Variants in ANO4 observed in about 807,000 individuals in gnomAD.
The protein encoded by ANO4 is anoctamin 4.
A neutral mutation model predicts 141.9 loss-of-function variants in ANO4; 69 were observed. The ratio of observed to expected loss-of-function variants is 0.49; its 90% CI spans 0.40 to 0.59. ANO4 has a LOEUF of 0.59. Among genes scored for constraint, ANO4 ranks in the 20% least tolerant of loss-of-function variants. ANO4 has a pLI of 0.00. For missense variants in ANO4, 894 were observed against 1,162.2 expected (o/e 0.77, Z 3.36); for synonymous variants, 350 against 394.3 (o/e 0.89, Z 1.33).
chr12:100,736,940 G>A (rs2031642866), intron 2 of ANO4, among the ~76,000 whole-genome samples: 1 of 152,110 alleles, frequency 6.6e-6, no homozygotes, highest in Non-Finnish European at 1.5e-5. Context: ...TGGACTCGCA[G>A]CCCCCAGAAC....
chr12:100,901,776 G>A lies in ANO4; in HGVS notation c.-10G>A. 6.2e-7 allele frequency: 1 copy of A among 1,613,812 alleles called. No individual in the cohort carries two copies. The highest frequency in any genetic ancestry group is 8.5e-7 in the Non-Finnish European group (1 of 1,179,742). Reference sequence around the variant, plus strand: ...ATTCCTCACTCCCACCAGGCAGAAGGTCAATAAAAATGGAGGCAAGCTCTT... The same window carrying A: ...ATTCCTCACTCCCACCAGGCAGAAGATCAATAAAAATGGAGGCAAGCTCTT... On this transcript the variant is annotated 5_prime_UTR_variant, in exon 2 of 28. Coordinates refer to ENST00000392977, the MANE Select transcript of ANO4 (RefSeq NM_001286615.2).
chr12:100,913,540 C>T (rs1335753563), intron 2 of ANO4, among the ~76,000 whole-genome samples: 2 of 151,960 alleles, frequency 1.3e-5, no homozygotes, highest in African/African-American at 4.8e-5. Context: ...TCTTATTGTT[C>T]CTAATTTAGA....
At chr12:100,885,039 A>G (rs2039763251) in intron 1 of ANO4, among the ~76,000 whole-genome samples, 1 of 152,094 alleles carries the variant, frequency 6.6e-6, no homozygotes. Context: ...CCCTAGACTC[A>G]TGGTCCCTCT....
At chr12:101,122,014 C>T (rs1289216187) in intron 26 of ANO4, among the ~76,000 whole-genome samples, 2 of 152,080 alleles carry the variant, frequency 1.3e-5, no homozygotes, top group Admixed American at 6.5e-5. Flanking sequence ...GCCTTGGCCT[C>T]CCAAAGTGCT....
chr12:101,116,599 C>T, intron 24 of ANO4, 80 bp from the exon 25 acceptor site: 1 of 1,600,770 alleles, frequency 6.2e-7, no homozygotes, highest in African/African-American at 1.3e-5. Context: ...GCAGTGACGT[C>T]TGGGAAGCAG....
rs557254861 is a variant in ANO4 at position 100,829,616 on chromosome 12, A to G, written c.-141+34589A>G. ...TTAAAGTTAATATTTTGCTTTATGA[A>G]TAAGATATTTTTGTTACTTCTGGGT... On this transcript the variant is annotated intron_variant, in intron 1 of 27. Coordinates refer to ENST00000392977, the MANE Select transcript of ANO4 (RefSeq NM_001286615.2). Among the ~76,000 whole-genome samples the G allele has an allele frequency of 3.3e-5, 5 of 152,204 alleles. No individual in the cohort carries two copies. The East Asian group carries it at 9.7e-4, about 29-fold the overall frequency.
At chr12:100,865,422 G>T (rs1241349097) in intron 1 of ANO4, among the ~76,000 whole-genome samples, 4 of 152,022 alleles carry the variant, frequency 2.6e-5, no homozygotes, top group South Asian at 2.1e-4. Flanking sequence ...TCTGACAAAG[G>T]GCTAATATCT....
chr12:101,000,645 CAT>C (rs1374845273), intron 8 of ANO4, among the ~76,000 whole-genome samples: 1 of 152,160 alleles, frequency 6.6e-6, no homozygotes, highest in Non-Finnish European at 1.5e-5. Context: ...TCAGGGGAAA[CAT>C]ATCTATGTTC....
chr12:101,051,853 C>A (rs2136675687), intron 14 of ANO4, among the ~76,000 whole-genome samples: 1 of 152,296 alleles, frequency 6.6e-6, no homozygotes, highest in South Asian at 2.1e-4. Flanking sequence ...AAATAAAGGA[C>A]TGCTATGCCT....
At chr12:101,041,090 T>C (rs1370312780) in intron 11 of ANO4, among the ~76,000 whole-genome samples, 1 of 152,188 alleles carries the variant, frequency 6.6e-6, no homozygotes, top group Non-Finnish European at 1.5e-5. Context: ...TAAGATTGGG[T>C]AATAACAACC....
intron 8 of ANO4, among the ~76,000 whole-genome samples, chr12:100,998,261 G>A (rs1326295237): frequency 6.6e-6 from 1 of 152,144 alleles, no homozygotes. Flanking sequence ...GCCCTTGAAC[G>A]TGAGACTCCA....
chr12:100,797,277 C>CTTTTTTTTTTTTTTTTTTT (rs5800423), intron 1 of ANO4, among the ~76,000 whole-genome samples: 1 of 136,820 alleles, frequency 7.3e-6, no homozygotes, highest in Non-Finnish European at 1.6e-5. Context: ...CTTTAACTGG[C>CTTTTTTTTTTTTTTTTTTT]TTTTTTTTTT....
At chr12:101,056,207 A>G (rs2048110571) in intron 14 of ANO4, among the ~76,000 whole-genome samples, 1 of 152,204 alleles carries the variant, frequency 6.6e-6, no homozygotes, top group Admixed American at 6.5e-5. Flanking sequence ...AGTTGAATCA[A>G]TGTCAGTTTG....
chr12:100,745,576 G>A (rs150017624), intron 3 of ANO4, among the ~76,000 whole-genome samples: 94 of 152,276 alleles, frequency 6.2e-4, no homozygotes, highest in Admixed American at 1.5e-3. Context: ...ACTAGGCCTG[G>A]AAGATAGAGC....
At chr12:100,780,366 G>A (rs1372993347) in intron 3 of ANO4, among the ~76,000 whole-genome samples, 2 of 151,980 alleles carry the variant, frequency 1.3e-5, no homozygotes, top group African/African-American at 4.8e-5. Flanking sequence ...GACAGAGCAG[G>A]GCTATCTCAT....
intron 18 of ANO4, among the ~76,000 whole-genome samples, chr12:101,095,766 A>C (rs1299730092): frequency 1.3e-5 from 2 of 152,172 alleles, no homozygotes; most frequent in African/African-American, 4.8e-5. Context: ...TGCTCATAGA[A>C]TGTAGCTCCT....
chr12:100,815,006 A>T (rs1288695068), intron 1 of ANO4, among the ~76,000 whole-genome samples: 3 of 151,976 alleles, frequency 2.0e-5, no homozygotes, highest in Non-Finnish European at 4.4e-5. Context: ...ATGCTCTGGG[A>T]TCATTTTAAC....
In ANO4 at chr12:101,096,660, C is replaced by A. The variant is rs1184136208; in HGVS notation, c.1850+13C>A. On this transcript the variant is annotated intron_variant, in intron 19 of 27. Coordinates refer to ENST00000392977, the MANE Select transcript of ANO4 (RefSeq NM_001286615.2). ...TCTTCCTCGGAAGGTAAGAACCTGA[C>A]CCCTGCACACCTCCCCAAGCTGAGG... 6.3e-7 allele frequency: 1 copy of A among 1,582,432 alleles called. No individual in the cohort carries two copies. Among genetic ancestry groups the A allele is most frequent in the Non-Finnish European group, 8.7e-7 (1 of 1,151,800 alleles).
chr12:100,814,384 CTA>C lies in ANO4; in HGVS notation c.-141+19359_-141+19360del, dbSNP rs1477661878. ...ATCATGCCCATTTACGTGAATGTTCCTATGTTTTTCTAATATTTAAGGGGCTA... is the reference window on the plus strand; with the variant it reads ...ATCATGCCCATTTACGTGAATGTTCCTGTTTTTCTAATATTTAAGGGGCTA... On this transcript the variant is annotated intron_variant, in intron 1 of 27. Coordinates refer to ENST00000392977, the MANE Select transcript of ANO4 (RefSeq NM_001286615.2). Among the ~76,000 whole-genome samples, 6 of 152,150 alleles carry C rather than the reference CTA, an allele frequency of 3.9e-5. No individual in the cohort carries two copies. In the East Asian group the frequency reaches 1.2e-3, roughly 29 times the overall value.
Sources: allele counts gnomAD v4.1 joint callset (sites outside exome capture counted in the v4.1 genomes callset), GRCh38; gene constraint gnomAD v4.1.1; transcripts MANE v1.5; gene names NCBI Gene and HGNC (gene_info 2026-07-23, HGNC 2026-07-21).